The following ADGRB3 variants were observed in gnomAD, a reference collection of about 807,000 sequenced individuals.
ADGRB3 encodes adhesion G protein-coupled receptor B3, also known as brain-specific angiogenesis inhibitor 3.
Under a neutral mutation model 193.4 loss-of-function variants are expected in ADGRB3, and 37 were observed. That is an observed-to-expected ratio of 0.19 (90% CI 0.15 to 0.25). The LOEUF (loss-of-function observed/expected upper bound fraction) is 0.25. ADGRB3 is among the 10% of genes least tolerant of loss of function. ADGRB3 has a pLI of 1.00. For missense variants in ADGRB3, 1,637 were observed against 1,852.9 expected (o/e 0.88, Z 2.14); for synonymous variants, 690 against 644.2 (o/e 1.07, Z -1.08).
chr6:68,958,810 G>A (rs928006774), intron 8 of ADGRB3, among the ~76,000 whole-genome samples: 3 of 151,060 alleles, frequency 2.0e-5, no homozygotes, highest in South Asian at 2.1e-4. Flanking sequence ...TAATTAAAAA[G>A]AATTCTTGAA....
At chr6:69,385,874 G>T (rs866928728) in intron 31 of ADGRB3, among the ~76,000 whole-genome samples, 2 of 151,834 alleles carry the variant, frequency 1.3e-5, no homozygotes, top group South Asian at 2.1e-4. Flanking sequence ...CTCTTATCAC[G>T]CCCAACACGC....
chr6:68,991,274 A>G (rs976432221), intron 10 of ADGRB3, among the ~76,000 whole-genome samples: 1 of 152,158 alleles, frequency 6.6e-6, no homozygotes. Flanking sequence ...TAACTCATTC[A>G]TTCAGTATGT....
rs77553495 is a variant in ADGRB3, at chr6:68,774,370, A to ATTT, written c.757+134953_757+134955dup. The stretch of plus-strand genomic sequence containing the variant: ...TAATACTGAATCTTCCACTATGCCT[A>ATTT]TTTTTTTTTTTTTTTTTGGTGGGGG... On this transcript the variant is annotated intron_variant, in intron 3 of 31. Transcript: ENST00000370598. 3.7e-4 allele frequency among the ~76,000 whole-genome samples: 48 copies of ATTT among 130,370 alleles called. 1 individual carries two copies. The South Asian group carries it at 4.9e-3, about 13-fold the overall frequency. 85.5% of individuals were successfully genotyped at this position (130,370 alleles called of 152,430 possible).
rs117954948 is a variant in ADGRB3, at chr6:68,925,262, G to C, written c.758-5297G>C. ...CAAATTAGAAAGATACCAAAATCCT[G>C]ACAATCTGGGCTGCTCTTCACTATC... is the stretch of plus-strand genomic sequence containing the variant. On this transcript the variant is annotated intron_variant, in intron 3 of 31. Transcript: ENST00000370598. Among the ~76,000 whole-genome samples, 1,350 of 151,968 alleles carry C rather than the reference G, an allele frequency of 8.9e-3. 12 individuals carry two copies. Among genetic ancestry groups the C allele is most frequent in the Non-Finnish European group, 0.013 (864 of 67,848 alleles).
At chr6:69,207,213 G>A (rs111951895) in intron 17 of ADGRB3, among the ~76,000 whole-genome samples, 2 of 152,182 alleles carry the variant, frequency 1.3e-5, no homozygotes, top group Admixed American at 6.5e-5. Flanking sequence ...TAGGCCAGCA[G>A]AATGTAATGT....
intron 10 of ADGRB3, among the ~76,000 whole-genome samples, chr6:68,984,667 A>G (rs1323566888): frequency 1.3e-5 from 2 of 152,184 alleles, no homozygotes; most frequent in African/African-American, 2.4e-5. Context: ...ACATTTTTAT[A>G]TGTTAAAATA....
chr6:68,979,224 A>T (rs1480683584), intron 10 of ADGRB3, among the ~76,000 whole-genome samples: 1 of 151,370 alleles, frequency 6.6e-6, no homozygotes, highest in Admixed American at 6.6e-5. Context: ...TACTTTTCTT[A>T]TAAGTAGAAG....
chr6:69,179,343 C>T (rs986014737), intron 17 of ADGRB3, among the ~76,000 whole-genome samples: 1 of 152,122 alleles, frequency 6.6e-6, no homozygotes, highest in African/African-American at 2.4e-5. Flanking sequence ...AAAGCTCTGA[C>T]TGATTTCTTT....
At chr6:68,991,524 GCTTGTGGAAAGACTATT>G (rs1769237029) in intron 10 of ADGRB3, among the ~76,000 whole-genome samples, 1 of 151,494 alleles carries the variant, frequency 6.6e-6, no homozygotes, top group Non-Finnish European at 1.5e-5. Context: ...GCATGTGAAT[GCTTGTGGAAAGACTATT>G]CAAGGCCCCC....
intron 17 of ADGRB3, among the ~76,000 whole-genome samples, chr6:69,195,816 T>G (rs572351383): frequency 1.3e-5 from 2 of 152,324 alleles, no homozygotes; most frequent in East Asian, 3.9e-4. Context: ...CGTTTCTCAA[T>G]ATCAGTTTAA....
At chr6:68,639,605 G>T (rs1768035609) in intron 3 of ADGRB3, among the ~76,000 whole-genome samples, 173 bp downstream of exon 3, 1 of 152,166 alleles carries the variant, frequency 6.6e-6, no homozygotes, top group Admixed American at 6.5e-5. Context: ...TAGGTTTCAA[G>T]GTTTTAGAGA....
intron 13 of ADGRB3, among the ~76,000 whole-genome samples, chr6:69,044,360 A>T (rs1302205196): frequency 6.6e-6 from 1 of 152,224 alleles, no homozygotes; most frequent in East Asian, 1.9e-4. Flanking sequence ...CACAACCAGG[A>T]TGAATAAGAC....
intron 31 of ADGRB3, among the ~76,000 whole-genome samples, chr6:69,386,298 A>G (rs1245838677): frequency 1.3e-5 from 2 of 152,100 alleles, no homozygotes; most frequent in Non-Finnish European, 2.9e-5. Flanking sequence ...GAGCCCCTAT[A>G]TATTCCAAGC....
chr6:69,364,228 A>G (rs1411370195), intron 29 of ADGRB3, among the ~76,000 whole-genome samples: 2 of 151,996 alleles, frequency 1.3e-5, no homozygotes, highest in African/African-American at 2.4e-5. Flanking sequence ...GTGCTGAAGG[A>G]AAAAACAGAA....
intron 13 of ADGRB3, among the ~76,000 whole-genome samples, chr6:69,030,961 C>CTT (rs756250922): frequency 1.0e-5 from 1 of 97,178 alleles, no homozygotes; most frequent in Non-Finnish European, 2.1e-5. Context: ...TTCTTTTTTT[C>CTT]TTTTCTTTTC....
intron 11 of ADGRB3, among the ~76,000 whole-genome samples, chr6:69,004,562 C>T (rs528332197): frequency 8.1e-6 from 1 of 123,272 alleles, no homozygotes; most frequent in Non-Finnish European, 1.7e-5. Flanking sequence ...ATCCCTCCCC[C>T]CTCCCCCGAC....
intron 16 of ADGRB3, among the ~76,000 whole-genome samples, chr6:69,070,504 G>A (rs537123479): frequency 4.4e-4 from 67 of 152,222 alleles, no homozygotes; most frequent in African/African-American, 1.6e-3. Context: ...GCACAGAATG[G>A]TGACTAAAAT....
At chr6:69,273,630 G>A (rs1243225340) in intron 20 of ADGRB3, among the ~76,000 whole-genome samples, 3 of 152,166 alleles carry the variant, frequency 2.0e-5, no homozygotes, top group East Asian at 1.9e-4. Flanking sequence ...TCCATTTTGG[G>A]AATGTTTACA....
intron 10 of ADGRB3, among the ~76,000 whole-genome samples, chr6:68,984,076 G>A (rs1769004438): frequency 6.6e-6 from 1 of 152,140 alleles, no homozygotes; most frequent in Non-Finnish European, 1.5e-5. Context: ...GTCATGACAT[G>A]AGGCTGGAGA....
Sources: allele counts gnomAD v4.1 joint callset (sites outside exome capture counted in the v4.1 genomes callset), GRCh38; gene constraint gnomAD v4.1.1; transcripts MANE v1.5; gene names NCBI Gene and HGNC (gene_info 2026-07-23, HGNC 2026-07-21).